CHN1: variants seen among roughly 807,000 people sequenced by gnomAD.
CHN1 encodes the protein N-chimaerin.
Under a neutral mutation model 59.5 loss-of-function variants are expected in CHN1, and 37 were observed. That is an observed-to-expected ratio of 0.62 (90% confidence interval 0.48 to 0.82). CHN1 has a LOEUF of 0.82. CHN1 is among the 40% of genes least tolerant of loss of function. CHN1 has a pLI of 0.00. For synonymous variants in CHN1, 206 were observed against 200.4 expected, an observed-to-expected ratio of 1.03 and a Z score of -0.24; for missense variants, 469 against 571.0, an observed-to-expected ratio of 0.82 and a Z score of 1.82.
At chr2:174,805,625 G>A (rs1215187751) in intron 11 of CHN1, among the ~76,000 whole-genome samples, 1 of 152,198 alleles carries the variant, frequency 6.6e-6, no homozygotes, top group Non-Finnish European at 1.5e-5. Flanking sequence ...GGGAAGAGCA[G>A]ATGGCATTAG....
At chr2:174,835,384 G>A (rs1686039627) in intron 7 of CHN1, among the ~76,000 whole-genome samples, 1 of 151,844 alleles carries the variant, frequency 6.6e-6, no homozygotes, top group African/African-American at 2.4e-5. Flanking sequence ...ATTTTTTTCT[G>A]TTTAGTGTTT....
At chr2:174,937,408 T>C (rs1302114346) in intron 3 of CHN1, among the ~76,000 whole-genome samples, 1 of 152,242 alleles carries the variant, frequency 6.6e-6, no homozygotes, top group Non-Finnish European at 1.5e-5. Flanking sequence ...CTCCCTTTCC[T>C]ATCATTGTAA....
rs568508678 is a variant in CHN1, at chr2:174,830,118, AG to A, written c.628-5601del. 2.4e-3 allele frequency among the ~76,000 whole-genome samples: 370 copies of A among 152,246 alleles called. 1 individual carries two copies. The highest frequency in any genetic ancestry group is 8.5e-3 in the African/African-American group (354 of 41,540). ...TGTGGTGGCGGGCACCTGTAGTCCC[AG>A]CTACTCGGGAGGCTGAGGCAGGAGA... On this transcript the variant is annotated intron_variant, in intron 7 of 12. Transcript: ENST00000409900.
chr2:174,868,594 C>T (rs1229182857), intron 6 of CHN1, among the ~76,000 whole-genome samples: 5 of 152,196 alleles, frequency 3.3e-5, no homozygotes, highest in Admixed American at 6.5e-5. Context: ...CCTATAGTAA[C>T]ATTCCTCAAA....
chr2:174,900,965 A>T (rs1054267699), intron 5 of CHN1, among the ~76,000 whole-genome samples: 4 of 152,208 alleles, frequency 2.6e-5, no homozygotes, highest in African/African-American at 9.7e-5. Flanking sequence ...ACAAAAATAG[A>T]GAAAGCTTGC....
intron 1 of CHN1, among the ~76,000 whole-genome samples, chr2:175,002,262 C>CA (rs1691916767): frequency 6.6e-6 from 1 of 152,142 alleles, no homozygotes; most frequent in Admixed American, 6.5e-5. Context: ...CTTAAGCTTT[C>CA]AAAAATGCAC....
chr2:174,989,737 C>CA (rs923393582), intron 1 of CHN1, among the ~76,000 whole-genome samples: 1 of 151,236 alleles, frequency 6.6e-6, no homozygotes, highest in Non-Finnish European at 1.5e-5. Flanking sequence ...CTGCAGTGAG[C>CA]AGTGATCACA....
At chr2:174,969,846 TAG>T (rs1559003237) in intron 1 of CHN1, among the ~76,000 whole-genome samples, 1 of 152,192 alleles carries the variant, frequency 6.6e-6, no homozygotes, top group Non-Finnish European at 1.5e-5. Flanking sequence ...TCTTACTGCC[TAG>T]AACAGTAATT....
chr2:174,943,568 C>G (rs1197304943), intron 3 of CHN1, among the ~76,000 whole-genome samples: 1 of 151,862 alleles, frequency 6.6e-6, no homozygotes, highest in Non-Finnish European at 1.5e-5. Context: ...TTTTTTGTTT[C>G]AATACGTGAC....
chr2:174,902,325 T>C (rs1688409801), intron 5 of CHN1, among the ~76,000 whole-genome samples: 2 of 152,168 alleles, frequency 1.3e-5, no homozygotes, highest in African/African-American at 2.4e-5. Flanking sequence ...TTCTATGGTT[T>C]GTTTTATTAA....
intron 7 of CHN1, among the ~76,000 whole-genome samples, chr2:174,845,291 T>G (rs1196735032): frequency 6.6e-6 from 1 of 152,172 alleles, no homozygotes; most frequent in African/African-American, 2.4e-5. Context: ...AGATCTCAGC[T>G]ATTTCTAAAC....
chr2:174,873,583 G>A (rs1439270563), intron 6 of CHN1, among the ~76,000 whole-genome samples: 1 of 152,176 alleles, frequency 6.6e-6, no homozygotes, highest in Admixed American at 6.6e-5. Context: ...AAAGCAGACT[G>A]ACCATGCCCC....
At chr2:174,901,607 G>C (rs944321248) in intron 5 of CHN1, among the ~76,000 whole-genome samples, 2 of 152,082 alleles carry the variant, frequency 1.3e-5, no homozygotes, top group African/African-American at 4.8e-5. Context: ...ATAAGGCCAG[G>C]GATCTTGACT....
chr2:174,886,903 A>G (rs1005982178), intron 5 of CHN1, among the ~76,000 whole-genome samples: 2 of 152,204 alleles, frequency 1.3e-5, no homozygotes, highest in Non-Finnish European at 2.9e-5. Context: ...GCACAATTCA[A>G]TGAGTTTTGG....
chr2:174,993,894 C>G (rs1327940791), intron 1 of CHN1, among the ~76,000 whole-genome samples: 1 of 152,162 alleles, frequency 6.6e-6, no homozygotes, highest in Non-Finnish European at 1.5e-5. Flanking sequence ...CTGTTTATAT[C>G]TGCTCTTCTC....
intron 1 of CHN1, among the ~76,000 whole-genome samples, chr2:175,001,000 T>G (rs1045093438): frequency 6.6e-6 from 1 of 152,124 alleles, no homozygotes; most frequent in African/African-American, 2.4e-5. Flanking sequence ...GCAACTACAG[T>G]CTTGAACTTC....
chr2:174,881,039 T>A, intron 5 of CHN1, among the ~76,000 whole-genome samples: 1 of 137,032 alleles, frequency 7.3e-6, no homozygotes, highest in Non-Finnish European at 1.5e-5. Context: ...AGAGTGAAAC[T>A]CCATCTCAAA....
chr2:174,943,829 T>C (rs1231519253), intron 3 of CHN1, among the ~76,000 whole-genome samples: 2 of 152,164 alleles, frequency 1.3e-5, no homozygotes, highest in Non-Finnish European at 2.9e-5. Flanking sequence ...AAATATACTT[T>C]TCCTTTTTGT....
Position 174,859,351 on chromosome 2 carries a change from G to A in CHN1, c.550-12394C>T, listed in dbSNP as rs528175041. Among the ~76,000 whole-genome samples, 3 of 152,252 alleles carry A rather than the reference G, an allele frequency of 2.0e-5. No individual in the cohort carries two copies. The South Asian group carries it at 6.2e-4, about 32-fold the overall frequency. Reference sequence around the variant, plus strand: ...AACTAGCAGGGAAAACATAGTTTCAGGAGAACAGGCTTGGGTGCCCAAGGG... The same window carrying A: ...AACTAGCAGGGAAAACATAGTTTCAAGAGAACAGGCTTGGGTGCCCAAGGG... On this transcript the variant is annotated intron_variant, in intron 6 of 12. Transcript: ENST00000409900.
Sources: gnomAD v4.1 joint callset for allele counts (sites outside exome capture counted in the v4.1 genomes callset) on GRCh38, gnomAD v4.1.1 for gene constraint, MANE v1.5 for transcripts, NCBI Gene and HGNC (gene_info 2026-07-23, HGNC 2026-07-21) for gene names.